ATG7: variants seen among roughly 807,000 people sequenced by gnomAD.
ATG7 encodes ubiquitin-like modifier-activating enzyme ATG7.
In ATG7, 70 loss-of-function variants were observed where a neutral mutation model predicts 82.4. That is an observed-to-expected ratio of 0.85 (90% CI 0.70 to 1.04). The LOEUF (loss-of-function observed/expected upper bound fraction) is 1.04. Ranked by LOEUF, ATG7 falls within the 50% of genes least tolerant of loss-of-function variation. ATG7 has a pLI of 0.00. For missense variants in ATG7, 792 were observed against 864.3 expected (o/e 0.92, Z 1.05); for synonymous variants, 287 against 313.0 (o/e 0.92, Z 0.88).
intron 20 of ATG7, among the ~76,000 whole-genome samples, chr3:11,478,057 G>A (rs181378027): frequency 1.5e-3 from 231 of 152,250 alleles, no homozygotes; most frequent in Admixed American, 3.9e-3. Flanking sequence ...AAATAGCACA[G>A]TATGATTATC....
At position 11,557,449 on chromosome 3, in the gene ATG7, CAG is replaced by C. The variant is rs998291843; in HGVS notation, c.*2607_*2608del. ...CCCTGGGAGCTTGTAACAAAGCAGA[CAG>C]GGATGCAAAAATAAATGATGTCAGC... On this transcript the variant is annotated 3_prime_UTR_variant, in exon 21 of 21. Coordinates refer to ENST00000693202, the MANE Select transcript of ATG7 (RefSeq NM_001349232.2). 3.9e-5 allele frequency: 6 copies of C among 152,766 alleles called. No homozygotes were observed. The highest frequency in any genetic ancestry group is 3.3e-4 in the Admixed American group (5 of 15,306). 9.5% of individuals were successfully genotyped at this position (152,766 alleles called of 1,614,324 possible).
rs1220939051 is a variant in ATG7, at chr3:11,284,507, G to A, written c.-11+2069G>A. On this transcript the variant is annotated intron_variant, in intron 3 of 20. Coordinates refer to ENST00000693202, the MANE Select transcript of ATG7 (RefSeq NM_001349232.2). The stretch of plus-strand genomic sequence containing the variant: ...GGATGAATAAATGAAGGTTCTCTTC[G>A]TAGGACTGGTATGGTTTAAAGATAG... 7.9e-5 allele frequency among the ~76,000 whole-genome samples: 12 copies of A among 152,242 alleles called. No individual in the cohort carries two copies. The East Asian group carries it at 1.7e-3, about 22-fold the overall frequency.
intron 17 of ATG7, chr3:11,363,173 C>T (rs1232202268): frequency 2.3e-5 from 10 of 429,636 alleles, no homozygotes; most frequent in African/African-American, 6.1e-5. Context: ...ATTTTTCCAA[C>T]GCTTATATAG....
At chr3:11,534,843 A>G (rs1375156832) in intron 20 of ATG7, among the ~76,000 whole-genome samples, 1 of 152,238 alleles carries the variant, frequency 6.6e-6, no homozygotes, top group African/African-American at 2.4e-5. Context: ...GGAGTAGCTC[A>G]GCTCAGCTCT....
intron 20 of ATG7, among the ~76,000 whole-genome samples, chr3:11,468,258 G>A (rs1559686563): frequency 6.6e-6 from 1 of 152,168 alleles, no homozygotes; most frequent in Non-Finnish European, 1.5e-5. Context: ...CCAATCACCC[G>A]AGGAATCTGC....
chr3:11,283,571 G>C (rs749896977), intron 3 of ATG7, among the ~76,000 whole-genome samples: 1 of 152,122 alleles, frequency 6.6e-6, no homozygotes, highest in African/African-American at 2.4e-5. Context: ...GGGTTCATCT[G>C]TATAAAGACC....
intron 19 of ATG7, among the ~76,000 whole-genome samples, chr3:11,410,370 A>G (rs868861665): frequency 7.9e-5 from 12 of 151,242 alleles, no homozygotes; most frequent in African/African-American, 2.2e-4. Flanking sequence ...TTGAACATCA[A>G]TTCAGAAATT....
chr3:11,570,404 C>T, the ATG7 span, among the ~76,000 whole-genome samples: 4 of 152,230 alleles, frequency 2.6e-5, no homozygotes, highest in African/African-American at 7.2e-5. Flanking sequence ...AGTCCTGCCA[C>T]GCTGGCTTTC....
rs756985908 is a variant in ATG7 at position 11,360,624 on chromosome 3, T to C, written c.1523T>C (p.Met508Thr). The change falls in exon 16 of 21, where the codon ATG (methionine) becomes ACG (threonine). Residue 508 changes from methionine to threonine, a missense_variant. Transcript: ENST00000693202. Reference sequence around the variant, plus strand: ...TTGGGATTTGACACATTTGTTGTCATGAGACATGGTCTGAAGAAACCAAAG... The same window carrying C: ...TTGGGATTTGACACATTTGTTGTCACGAGACATGGTCTGAAGAAACCAAAG... Reference protein sequence around the residue: ...AALGFDTFVVMRHGLKKPKQQ... With the variant: ...AALGFDTFVVTRHGLKKPKQQ... The C allele has an allele frequency of 1.9e-6, 3 of 1,614,082 alleles. No individual in the cohort carries two copies. The African/African-American group carries it at 4.0e-5, about 22-fold the overall frequency.
At chr3:11,429,018 C>A (rs1024070512) in intron 20 of ATG7, among the ~76,000 whole-genome samples, 6 of 152,116 alleles carry the variant, frequency 3.9e-5, no homozygotes, top group African/African-American at 1.4e-4. Context: ...CATCCACGAG[C>A]CTGAGTTTTC....
chr3:11,336,842 T>G (rs2152764592), intron 11 of ATG7, among the ~76,000 whole-genome samples: 1 of 152,032 alleles, frequency 6.6e-6, no homozygotes, highest in Admixed American at 6.5e-5. Context: ...CCAACTAATT[T>G]TTGTATTTTT....
At chr3:11,476,216 T>C (rs916582905) in intron 20 of ATG7, among the ~76,000 whole-genome samples, 7 of 152,336 alleles carry the variant, frequency 4.6e-5, no homozygotes, top group Admixed American at 6.5e-5. Context: ...TTTCTTTTCC[T>C]TCTTCCTTGA....
At chr3:11,490,801 C>T (rs2090267328) in intron 20 of ATG7, among the ~76,000 whole-genome samples, 1 of 152,212 alleles carries the variant, frequency 6.6e-6, no homozygotes, top group Non-Finnish European at 1.5e-5. Context: ...ATATTGGCCC[C>T]CACTCTCTTC....
rs113257987 is a variant in ATG7, at chr3:11,509,660, A to G, written c.2080-45151A>G. Among the ~76,000 whole-genome samples, 356 of 151,882 alleles carry G rather than the reference A, an allele frequency of 2.3e-3. 4 individuals are homozygous for G. Among genetic ancestry groups the G allele is most frequent in the African/African-American group, 7.5e-3 (309 of 41,398 alleles). ...GTTTTTTTTGGCCACCCCTCCCCCA[A>G]TCTATCTCTAATTTTAAGATGTGAT... On this transcript the variant is annotated intron_variant, in intron 20 of 20. Transcript: ENST00000693202.
intron 20 of ATG7, among the ~76,000 whole-genome samples, chr3:11,434,320 C>T (rs148120212): frequency 1.3e-5 from 2 of 152,352 alleles, no homozygotes; most frequent in African/African-American, 4.8e-5. Flanking sequence ...CGTGTCAGCA[C>T]TCAGACCTGT....
At chr3:11,437,030 A>G (rs750195931) in intron 20 of ATG7, among the ~76,000 whole-genome samples, 2 of 152,224 alleles carry the variant, frequency 1.3e-5, no homozygotes, top group African/African-American at 2.4e-5. Context: ...ATTGAATTCT[A>G]TACTCTGAAT....
the ATG7 span, among the ~76,000 whole-genome samples, chr3:11,571,968 G>A: frequency 5.9e-5 from 9 of 152,314 alleles, no homozygotes; most frequent in East Asian, 1.9e-4. Context: ...TTATCTGGGC[G>A]TGGTGTCACG....
At chr3:11,414,285 C>G (rs1364723341) in intron 19 of ATG7, among the ~76,000 whole-genome samples, 1 of 152,108 alleles carries the variant, frequency 6.6e-6, no homozygotes, top group Non-Finnish European at 1.5e-5. Context: ...AGGCTGGTCT[C>G]AAAGTCCTGA....
chr3:11,328,108 C>T lies in ATG7; in HGVS notation c.679-3232C>T, dbSNP rs755027208. 4.1e-4 allele frequency among the ~76,000 whole-genome samples: 63 copies of T among 152,192 alleles called. 1 individual carries two copies. The highest frequency in any genetic ancestry group is 1.0e-4 in the Non-Finnish European group (7 of 68,044). ...ATCAGAATTATTCAGGAGCCTGGTA[C>T]AGATAAAGATACAGATTGCTGGGCT... On this transcript the variant is annotated intron_variant, in intron 9 of 20. Transcript: ENST00000693202.
Sources: allele counts gnomAD v4.1 joint callset (sites outside exome capture counted in the v4.1 genomes callset), GRCh38; gene constraint gnomAD v4.1.1; transcripts MANE v1.5; gene names NCBI Gene and HGNC (gene_info 2026-07-23, HGNC 2026-07-21).